TAFA5: variants seen among roughly 807,000 people sequenced by gnomAD.
The protein encoded by TAFA5 is chemokine-like protein TAFA-5.
Under a neutral mutation model 15.3 loss-of-function variants are expected in TAFA5, and 6 were observed. That is an observed-to-expected ratio of 0.39 (90% confidence interval 0.21 to 0.77). TAFA5 has a LOEUF of 0.77. TAFA5 is among the 30% of genes least tolerant of loss of function. The pLI is 0.41. For synonymous variants in TAFA5, 103 were observed against 80.7 expected, an observed-to-expected ratio of 1.28 and a Z score of -1.48; for missense variants, 161 against 193.1, an observed-to-expected ratio of 0.83 and a Z score of 0.98.
chr22:48,745,901 G>A (rs773672448), intron 3 of TAFA5, among the ~76,000 whole-genome samples: 16 of 152,208 alleles, frequency 1.1e-4, no homozygotes, highest in Non-Finnish European at 2.1e-4. Context: ...ACACGCGTCA[G>A]AGGAGGGCGG....
chr22:48,528,889 A>G (rs1921867673), intron 1 of TAFA5, among the ~76,000 whole-genome samples: 1 of 152,176 alleles, frequency 6.6e-6, no homozygotes, highest in Admixed American at 6.5e-5. Flanking sequence ...TGGGAGACAC[A>G]GTCCCATTGT....
chr22:48,549,866 G>A (rs1016347405), intron 1 of TAFA5, among the ~76,000 whole-genome samples: 6 of 152,222 alleles, frequency 3.9e-5, no homozygotes, highest in Non-Finnish European at 7.3e-5. Flanking sequence ...AAAGTCCCCC[G>A]CTAGCAGTGC....
At chr22:48,548,460 C>T (rs1360204874) in intron 1 of TAFA5, among the ~76,000 whole-genome samples, 1 of 152,202 alleles carries the variant, frequency 6.6e-6, no homozygotes, top group Non-Finnish European at 1.5e-5. Flanking sequence ...GAAACTCGGG[C>T]CTCACAGTGC....
rs868850453 is a variant in TAFA5, at chr22:48,739,757, G to A, written c.391-10082G>A. On this transcript the variant is annotated intron_variant, in intron 3 of 3. Coordinates refer to ENST00000402357, the MANE Select transcript of TAFA5 (RefSeq NM_001082967.3). ...CTCCGCCTGCCTCTCTGTGTTTGTC[G>A]TGGGCTTGCTTTCATTGCTTGTGGA... Among the ~76,000 whole-genome samples the A allele has an allele frequency of 2.2e-4, 34 of 152,300 alleles. No individual in the cohort carries two copies. The Middle Eastern group carries it at 0.01, about 46-fold the overall frequency.
chr22:48,638,237 C>A (rs188971258), intron 1 of TAFA5, among the ~76,000 whole-genome samples: 1 of 151,830 alleles, frequency 6.6e-6, no homozygotes, highest in Non-Finnish European at 1.5e-5. Flanking sequence ...TGTCTTAGAC[C>A]CCCGACACTA....
At chr22:48,526,803 T>C (rs1264945685) in intron 1 of TAFA5, among the ~76,000 whole-genome samples, 2 of 152,256 alleles carry the variant, frequency 1.3e-5, no homozygotes, top group East Asian at 1.9e-4. Flanking sequence ...TTTAAAAATA[T>C]GCTGTCAAAA....
chr22:48,723,623 C>G (rs879410260), intron 3 of TAFA5, among the ~76,000 whole-genome samples: 12 of 152,224 alleles, frequency 7.9e-5, no homozygotes, highest in African/African-American at 2.7e-4. Context: ...CATCCTCCCC[C>G]TGCCTGGAAG....
chr22:48,492,848 T>C (rs940814233), intron 1 of TAFA5, among the ~76,000 whole-genome samples: 1 of 152,192 alleles, frequency 6.6e-6, no homozygotes, highest in Non-Finnish European at 1.5e-5. Flanking sequence ...CTCTTCTCCA[T>C]TCTGGTCTGA....
At chr22:48,528,779 A>T (rs1294216315) in intron 1 of TAFA5, among the ~76,000 whole-genome samples, 1 of 152,206 alleles carries the variant, frequency 6.6e-6, no homozygotes, top group Non-Finnish European at 1.5e-5. Flanking sequence ...GGCCCCACTC[A>T]GCAGCTGTGC....
At chr22:48,590,071 C>T (rs1336666795) in intron 1 of TAFA5, among the ~76,000 whole-genome samples, 1 of 151,938 alleles carries the variant, frequency 6.6e-6, no homozygotes, top group Non-Finnish European at 1.5e-5. Flanking sequence ...CGGATGGGGC[C>T]TGGGTCTGAT....
rs544760207 is a variant in TAFA5 at position 48,546,199 on chromosome 22, C to A, written c.112+56495C>A. Among the ~76,000 whole-genome samples, 8 of 152,326 alleles carry A rather than the reference C, an allele frequency of 5.3e-5. No individual in the cohort carries two copies. In the South Asian group the frequency reaches 1.0e-3, roughly 20 times the overall value. ...CCTCCCCATGGGGACTGCGCCTGCA[C>A]GTGGCCAGCAGGCAGAGTCCACTCC... On this transcript the variant is annotated intron_variant, in intron 1 of 3. Transcript: ENST00000402357.
rs188157521 is a variant in TAFA5, at chr22:48,751,495, C to T, written c.*1648C>T. ...GCTAGTTCTATCCTACTAAAAAAAACGTAAAAAAATAACTATATAGAAGCT... is the reference window on the plus strand; with the variant it reads ...GCTAGTTCTATCCTACTAAAAAAAATGTAAAAAAATAACTATATAGAAGCT... On this transcript the variant is annotated 3_prime_UTR_variant, in exon 4 of 4. Coordinates refer to ENST00000402357, the MANE Select transcript of TAFA5 (RefSeq NM_001082967.3). 4 of 152,360 alleles carry T rather than the reference C, an allele frequency of 2.6e-5. No individual in the cohort carries two copies. Among genetic ancestry groups the T allele is most frequent in the Non-Finnish European group, 2.9e-5 (2 of 68,028 alleles). The allele number at this position is 152,360 out of a possible 1,614,324, so 9.4% of individuals were successfully genotyped here. A position where few individuals can be genotyped will look rare whatever the true frequency, so the allele number is the denominator to read the frequency against.
chr22:48,727,844 G>A (rs181006825), intron 3 of TAFA5, among the ~76,000 whole-genome samples: 130 of 152,268 alleles, frequency 8.5e-4, no homozygotes, highest in African/African-American at 2.2e-3. Context: ...TTATTGACAC[G>A]TTTATGCCTT....
chr22:48,535,229 T>C (rs1363625732), intron 1 of TAFA5, among the ~76,000 whole-genome samples: 5 of 152,172 alleles, frequency 3.3e-5, no homozygotes, highest in Non-Finnish European at 7.3e-5. Context: ...GTAGTATGTG[T>C]GTGTGACTCT....
intron 1 of TAFA5, chr22:48,544,390 G>C: frequency 2.9e-6 from 1 of 343,726 alleles, no homozygotes; most frequent in East Asian, 7.5e-5. Context: ...TTCAGGCTCT[G>C]TCCCCACTCC....
At chr22:48,658,285 A>G (rs1205422927) in intron 2 of TAFA5, among the ~76,000 whole-genome samples, 1 of 152,128 alleles carries the variant, frequency 6.6e-6, no homozygotes, top group African/African-American at 2.4e-5. Flanking sequence ...CGTTCCTATT[A>G]TGGCCCATCT....
At chr22:48,743,677 G>A (rs972963235) in intron 3 of TAFA5, among the ~76,000 whole-genome samples, 58 of 152,298 alleles carry the variant, frequency 3.8e-4, no homozygotes, top group African/African-American at 1.2e-3. Flanking sequence ...GCTGGGCCCC[G>A]CCGTGGGCAG....
At chr22:48,558,752 G>A (rs1275033436) in intron 1 of TAFA5, among the ~76,000 whole-genome samples, 1 of 152,226 alleles carries the variant, frequency 6.6e-6, no homozygotes, top group Non-Finnish European at 1.5e-5. Context: ...ATGGGGAGGG[G>A]CGTGACACGA....
At chr22:48,718,167 C>T (rs1391940020) in intron 3 of TAFA5, among the ~76,000 whole-genome samples, 2 of 152,286 alleles carry the variant, frequency 1.3e-5, no homozygotes, top group African/African-American at 2.4e-5. Flanking sequence ...AGGCGAGAGC[C>T]GAGGTGGTAT....
Sources: gnomAD v4.1 joint callset for allele counts (sites outside exome capture counted in the v4.1 genomes callset) on GRCh38, gnomAD v4.1.1 for gene constraint, MANE v1.5 for transcripts, NCBI Gene and HGNC (gene_info 2026-07-23, HGNC 2026-07-21) for gene names.